The following CADPS2 variants were observed in gnomAD, a reference collection of about 807,000 sequenced individuals.
CADPS2 encodes the protein calcium dependent secretion activator 2, also known as calcium-dependent secretion activator 2.
In CADPS2, 93 loss-of-function variants were observed where a neutral mutation model predicts 172.5. That is an observed-to-expected ratio of 0.54 (90% CI 0.46 to 0.64). The LOEUF (loss-of-function observed/expected upper bound fraction) is 0.64, where lower values mean the gene tolerates loss of function less well. Ranked by LOEUF, CADPS2 falls within the 30% of genes least tolerant of loss-of-function variation. The pLI, the probability that CADPS2 is intolerant of heterozygous loss-of-function variation, is 0.00. For synonymous variants in CADPS2, 546 were observed against 555.2 expected (o/e 0.98, Z 0.23); for missense variants, 1,420 against 1,565.9 (o/e 0.91, Z 1.57).
intron 24 of CADPS2, among the ~76,000 whole-genome samples, chr7:122,381,156 G>A (rs2042955347): frequency 6.6e-6 from 1 of 152,078 alleles, no homozygotes; most frequent in African/African-American, 2.4e-5. Flanking sequence ...CCCAGCTCCT[G>A]GCTGAAAGCT....
chr7:122,501,632 G>A (rs2059206850), intron 9 of CADPS2, among the ~76,000 whole-genome samples: 2 of 151,880 alleles, frequency 1.3e-5, no homozygotes, highest in South Asian at 2.1e-4. Context: ...GGCAGATCAC[G>A]AGATCAGGAG....
chr7:122,620,662 A>G (rs2075494800), intron 5 of CADPS2, among the ~76,000 whole-genome samples: 1 of 152,164 alleles, frequency 6.6e-6, no homozygotes, highest in African/African-American at 2.4e-5. Context: ...CAGTGCCTGT[A>G]ATAAAACTTG....
intron 8 of CADPS2, among the ~76,000 whole-genome samples, chr7:122,530,696 A>G (rs1462425626): frequency 6.6e-6 from 1 of 152,198 alleles, no homozygotes; most frequent in African/African-American, 2.4e-5. Flanking sequence ...AACTATTAAT[A>G]CACAATATTC....
intron 2 of CADPS2, among the ~76,000 whole-genome samples, chr7:122,687,275 G>A (rs564862621): frequency 1.1e-4 from 16 of 152,130 alleles, no homozygotes; most frequent in East Asian, 3.9e-4. Flanking sequence ...TTGAGATCAC[G>A]TAAGGTATCA....
chr7:122,831,317 T>C (rs1806477698), intron 1 of CADPS2, among the ~76,000 whole-genome samples: 1 of 152,230 alleles, frequency 6.6e-6, no homozygotes, highest in Non-Finnish European at 1.5e-5. Flanking sequence ...ACTGGTGCTG[T>C]CATTTGGGTG....
At chr7:122,704,243 A>C (rs1319603318) in intron 2 of CADPS2, among the ~76,000 whole-genome samples, 1 of 151,926 alleles carries the variant, frequency 6.6e-6, no homozygotes, top group Non-Finnish European at 1.5e-5. Flanking sequence ...TATTTTAGTT[A>C]ATATTTGCTT....
intron 28 of CADPS2, among the ~76,000 whole-genome samples, chr7:122,330,222 G>A (rs1052853223): frequency 2.0e-5 from 3 of 152,130 alleles, no homozygotes; most frequent in Non-Finnish European, 4.4e-5. Context: ...CTCACCTTAG[G>A]AAATATGTAC....
intron 1 of CADPS2, among the ~76,000 whole-genome samples, chr7:122,784,003 C>G (rs1265948608): frequency 6.6e-6 from 1 of 152,122 alleles, no homozygotes; most frequent in Non-Finnish European, 1.5e-5. Flanking sequence ...AACATTTTCC[C>G]TCACTAAATT....
intron 6 of CADPS2, among the ~76,000 whole-genome samples, chr7:122,581,715 T>A (rs2068847293): frequency 6.6e-6 from 1 of 152,154 alleles, no homozygotes; most frequent in South Asian, 2.1e-4. Context: ...TTACCCCACC[T>A]GAGAGGTCTT....
intron 17 of CADPS2, among the ~76,000 whole-genome samples, chr7:122,429,903 G>T (rs1449158957): frequency 6.6e-5 from 10 of 150,852 alleles, no homozygotes; most frequent in African/African-American, 2.4e-4. Flanking sequence ...ATAAACACGT[G>T]GCCTCTAGAC....
intron 2 of CADPS2, among the ~76,000 whole-genome samples, chr7:122,692,535 C>T (rs528313455): frequency 1.3e-5 from 2 of 152,192 alleles, no homozygotes; most frequent in African/African-American, 2.4e-5. Context: ...CTGCCTCCCA[C>T]GTTTCCACTG....
chr7:122,865,486 A>G (rs1818063610), intron 1 of CADPS2, among the ~76,000 whole-genome samples: 1 of 152,204 alleles, frequency 6.6e-6, no homozygotes, highest in South Asian at 2.1e-4. Context: ...TTCTAAGCCA[A>G]TTCTTGCTCC....
At chr7:122,616,469 A>G (rs2074936205) in intron 5 of CADPS2, among the ~76,000 whole-genome samples, 1 of 152,114 alleles carries the variant, frequency 6.6e-6, no homozygotes, top group Non-Finnish European at 1.5e-5. Context: ...GTAAATATGA[A>G]TGTGTATTTG....
intron 2 of CADPS2, among the ~76,000 whole-genome samples, chr7:122,720,297 A>G (rs955691900): frequency 1.4e-4 from 21 of 152,140 alleles, no homozygotes; most frequent in African/African-American, 5.1e-4. Flanking sequence ...AAACATATCC[A>G]AACAAAATTA....
At chr7:122,553,955 AACAG>A (rs1358276238) in intron 8 of CADPS2, among the ~76,000 whole-genome samples, 8 of 152,094 alleles carry the variant, frequency 5.3e-5, no homozygotes, top group Admixed American at 2.0e-4. Context: ...CACCAGCTGC[AACAG>A]ACAAAGAACC....
intron 27 of CADPS2, 90 bp from the exon 28 acceptor site, chr7:122,345,771 A>G (rs1585150135): frequency 2.4e-6 from 2 of 828,860 alleles, no homozygotes; most frequent in East Asian, 5.0e-5. Context: ...AATAATTTTG[A>G]AAATTACAGT....
intron 6 of CADPS2, among the ~76,000 whole-genome samples, chr7:122,613,644 G>C (rs1410503302): frequency 2.0e-5 from 3 of 151,454 alleles, no homozygotes. Flanking sequence ...GTTAAGGCTG[G>C]ATTGGTTGGG....
In CADPS2 at chr7:122,391,068, T is replaced by C. The variant is rs145545751; in HGVS notation, c.3008+2128A>G. Among the ~76,000 whole-genome samples the C allele has an allele frequency of 3.1e-3, 478 of 152,186 alleles. 2 individuals carry two copies. The highest frequency in any genetic ancestry group is 5.6e-3 in the Non-Finnish European group (381 of 67,988). ...TATATTCTTCTTATTTAATCAGCAGTTGTATTTTTAATTCTTTATGTTAAA... is the reference window on the plus strand; with the variant it reads ...TATATTCTTCTTATTTAATCAGCAGCTGTATTTTTAATTCTTTATGTTAAA... On this transcript the variant is annotated intron_variant, in intron 22 of 29. Transcript: ENST00000449022.
chr7:122,537,074 G>A (rs1228521835), intron 8 of CADPS2, among the ~76,000 whole-genome samples: 1 of 151,768 alleles, frequency 6.6e-6, no homozygotes, highest in African/African-American at 2.4e-5. Flanking sequence ...TATTTACTAG[G>A]CTTAATATCT....
Sources: allele counts gnomAD v4.1 joint callset (sites outside exome capture counted in the v4.1 genomes callset), GRCh38; gene constraint gnomAD v4.1.1; transcripts MANE v1.5; gene names NCBI Gene and HGNC (gene_info 2026-07-23, HGNC 2026-07-21).